The following HBS1L variants were observed in gnomAD, a reference collection of about 807,000 sequenced individuals.
HBS1L encodes HBS1 like translational GTPase.
In HBS1L, 55 loss-of-function variants were observed where a neutral mutation model predicts 88.9. That is an observed-to-expected ratio of 0.62 (90% CI 0.50 to 0.77). The LOEUF is 0.77. HBS1L is among the 30% of genes least tolerant of loss of function. The pLI, the probability that HBS1L is intolerant of heterozygous loss-of-function variation, is 0.00. For missense variants in HBS1L, 741 were observed against 829.3 expected, an observed-to-expected ratio of 0.89 and a Z score of 1.31; for synonymous variants, 267 against 288.5, an observed-to-expected ratio of 0.93 and a Z score of 0.76.
intron 2 of HBS1L, among the ~76,000 whole-genome samples, chr6:135,044,136 C>T (rs1776837165): frequency 6.6e-6 from 1 of 152,156 alleles, no homozygotes; most frequent in African/African-American, 2.4e-5. Context: ...AGTTTCAACC[C>T]TTTCTTACAT....
intron 7 of HBS1L, among the ~76,000 whole-genome samples, chr6:134,994,385 CAG>C (rs903221856): frequency 7.2e-5 from 11 of 152,024 alleles, no homozygotes; most frequent in African/African-American, 2.7e-4. Flanking sequence ...TTTTAAAAAA[CAG>C]AGATAGATGA....
intron 2 of HBS1L, among the ~76,000 whole-genome samples, chr6:135,043,433 A>G (rs1316739097): frequency 6.6e-6 from 1 of 152,224 alleles, no homozygotes; most frequent in East Asian, 1.9e-4. Context: ...ATATACAATC[A>G]CATTGAGGGG....
intron 12 of HBS1L, among the ~76,000 whole-genome samples, chr6:134,983,883 A>C (rs1036206060): frequency 1.3e-5 from 2 of 152,178 alleles, no homozygotes; most frequent in Non-Finnish European, 2.9e-5. Context: ...GGTCAGAGAA[A>C]TAGACAGGTT....
At chr6:135,053,843 A>G (rs1363470900) in intron 1 of HBS1L, among the ~76,000 whole-genome samples, 4 of 152,236 alleles carry the variant, frequency 2.6e-5, no homozygotes, top group African/African-American at 9.6e-5. Context: ...TACTGCATGA[A>G]GAGGGATGTG....
chr6:134,980,550 C>T (rs1308383352), intron 13 of HBS1L, among the ~76,000 whole-genome samples: 1 of 151,866 alleles, frequency 6.6e-6, no homozygotes, highest in African/African-American at 2.4e-5. Flanking sequence ...TTGACTTTGG[C>T]TTAAACATTT....
chr6:135,051,548 T>C (rs924658727), intron 1 of HBS1L, among the ~76,000 whole-genome samples: 1 of 152,036 alleles, frequency 6.6e-6, no homozygotes, highest in Non-Finnish European at 1.5e-5. Flanking sequence ...CCAGCTCAAA[T>C]GTCTCCTCTT....
chr6:135,043,899 T>C (rs1276785328), intron 2 of HBS1L, among the ~76,000 whole-genome samples: 4 of 152,232 alleles, frequency 2.6e-5, no homozygotes, highest in Non-Finnish European at 5.9e-5. Flanking sequence ...ATGAAATTTG[T>C]CTCCCAAAAC....
chr6:134,973,575 G>A (rs1293581462), intron 15 of HBS1L, among the ~76,000 whole-genome samples: 1 of 152,192 alleles, frequency 6.6e-6, no homozygotes, highest in African/African-American at 2.4e-5. Context: ...CAGCACTTTG[G>A]GAGGCCAAGG....
intron 8 of HBS1L, among the ~76,000 whole-genome samples, chr6:134,991,040 AAAAAAG>A (rs1775120613): frequency 6.7e-6 from 1 of 149,150 alleles, no homozygotes; most frequent in Non-Finnish European, 1.5e-5. Flanking sequence ...CAATGAAAAA[AAAAAAG>A]AAAAAGACTC....
chr6:135,051,896 T>C (rs969289095), intron 1 of HBS1L, among the ~76,000 whole-genome samples: 3 of 152,218 alleles, frequency 2.0e-5, no homozygotes, highest in Non-Finnish European at 2.9e-5. Context: ...TTTCCAGTTA[T>C]CACTGCACCT....
At chr6:134,975,796 A>C (rs981258435) in intron 15 of HBS1L, among the ~76,000 whole-genome samples, 5 of 152,124 alleles carry the variant, frequency 3.3e-5, no homozygotes, top group Non-Finnish European at 7.4e-5. Flanking sequence ...AGGAACTGAA[A>C]CCATGGAAAT....
intron 9 of HBS1L, 144 bp from the exon 10 acceptor site, chr6:134,986,954 G>C (rs1774995319): frequency 2.9e-6 from 1 of 349,518 alleles, no homozygotes; most frequent in South Asian, 1.2e-4. Context: ...ATCAGACCTT[G>C]CTAATAATAT....
intron 4 of HBS1L, among the ~76,000 whole-genome samples, chr6:135,034,924 CCA>C (rs1469015958): frequency 6.6e-6 from 1 of 152,204 alleles, no homozygotes; most frequent in Non-Finnish European, 1.5e-5. Flanking sequence ...AAATGCCATT[CCA>C]CAGAGACTGC....
rs377537061 is a variant in HBS1L at position 134,997,577 on chromosome 6, C to G, written c.619G>C (p.Asp207His). 3 of 1,613,848 alleles carry G rather than the reference C, an allele frequency of 1.9e-6. No individual in the cohort carries two copies. The highest frequency in any genetic ancestry group is 2.7e-5 in the African/African-American group (2 of 74,870). ...GATTTAGAAGCAGTCTCAAGAACATCGGAAGAAGCAATGGCATCTTCAATG... is the reference window on the plus strand; with the variant it reads ...GATTTAGAAGCAGTCTCAAGAACATGGGAAGAAGCAATGGCATCTTCAATG... ...PPIEDAIASS[D>H]VLETASKSAN... The change falls in exon 6 of 18, where the codon GAT becomes CAT. Residue 207 changes from aspartate to histidine, a missense_variant. Transcript: ENST00000367837.
chr6:135,032,800 T>C (rs1010201829), intron 4 of HBS1L, among the ~76,000 whole-genome samples: 1 of 152,112 alleles, frequency 6.6e-6, no homozygotes, highest in Non-Finnish European at 1.5e-5. Flanking sequence ...CACTGAGTAC[T>C]AAAAACTAAA....
intron 12 of HBS1L, among the ~76,000 whole-genome samples, chr6:134,985,105 T>G (rs1473419807): frequency 6.6e-6 from 1 of 152,076 alleles, no homozygotes; most frequent in East Asian, 1.9e-4. Flanking sequence ...AAAGGCAAGG[T>G]TTTCTTATGC....
Position 135,053,706 on chromosome 6 carries a change from T to A in HBS1L, c.43+943A>T, listed in dbSNP as rs142152834. Among the ~76,000 whole-genome samples the A allele has an allele frequency of 1.1e-3, 175 of 152,326 alleles. 2 individuals are homozygous for A. The highest frequency in any genetic ancestry group is 3.8e-3 in the African/African-American group (159 of 41,580). ...TAATCTACTGGGGTGCCAATGACAA[T>A]CACCAACATATTAAGCACTACATGT... is the stretch of plus-strand genomic sequence containing the variant. On this transcript the variant is annotated intron_variant, in intron 1 of 17. Transcript: ENST00000367837.
In HBS1L at chr6:134,963,928, T is replaced by A. The variant is rs1562268303; in HGVS notation, c.*1351A>T. 1 of 152,140 alleles carries A rather than the reference T, an allele frequency of 6.6e-6. No homozygotes were observed. The highest frequency in any genetic ancestry group is 1.9e-4 in the East Asian group (1 of 5,198). The allele number at this position is 152,140 out of a possible 1,614,324, so 9.4% of individuals were successfully genotyped here. ...TTTCTGTCACATATATCTGTTAAAT[T>A]CTTGATTAATATTAATATTTAAATA... On this transcript the variant is annotated 3_prime_UTR_variant, in exon 18 of 18. Coordinates refer to ENST00000367837, the MANE Select transcript of HBS1L (RefSeq NM_006620.4).
At position 134,965,300 on chromosome 6, in the gene HBS1L, C is replaced by CAAA; in HGVS notation, c.2044-13_2044-11dup. 7 of 1,331,104 alleles carry CAAA rather than the reference C, an allele frequency of 5.3e-6. No homozygotes were observed. Among genetic ancestry groups the CAAA allele is most frequent in the Non-Finnish European group, 7.3e-6 (7 of 962,680 alleles). 82.5% of individuals were successfully genotyped at this position (1,331,104 alleles called of 1,614,324 possible). On this transcript the variant is annotated splice_polypyrimidine_tract_variant and intron_variant, in intron 17 of 17. Transcript: ENST00000367837. ...CCCATCATTCTTTTATCTGTTAAAA[C>CAAA]AAAAAAAAAAAAGACATTTGCTGTA...
Sources: allele counts gnomAD v4.1 joint callset (sites outside exome capture counted in the v4.1 genomes callset), GRCh38; gene constraint gnomAD v4.1.1; transcripts MANE v1.5; gene names NCBI Gene and HGNC (gene_info 2026-07-23, HGNC 2026-07-21).